IFNAR1: variants seen among roughly 807,000 people sequenced by gnomAD.
IFNAR1 encodes the protein interferon alpha/beta receptor 1.
A neutral mutation model predicts 62.1 loss-of-function variants in IFNAR1; 47 were observed. The ratio of observed to expected loss-of-function variants is 0.76; its 90% CI spans 0.60 to 0.97. The LOEUF is 0.97. IFNAR1 is among the 50% of genes least tolerant of loss of function. IFNAR1 has a pLI of 0.00. For synonymous variants in IFNAR1, 219 were observed against 226.9 expected, an observed-to-expected ratio of 0.97 and a Z score of 0.31; for missense variants, 638 against 654.5, an observed-to-expected ratio of 0.97 and a Z score of 0.27.
chr21:33,340,802 T>G (rs1475948015), intron 2 of IFNAR1, among the ~76,000 whole-genome samples, 197 bp from the exon 3 acceptor site: 1 of 151,688 alleles, frequency 6.6e-6, no homozygotes, highest in Non-Finnish European at 1.5e-5. Context: ...TGAAAAAGAG[T>G]GGAAGGGTGT....
intron 3 of IFNAR1, among the ~76,000 whole-genome samples, chr21:33,342,662 G>T (rs1337371884): frequency 6.9e-6 from 1 of 144,088 alleles, no homozygotes; most frequent in Non-Finnish European, 1.5e-5. Flanking sequence ...GGCTAACACG[G>T]TGAAACCCTG....
At chr21:33,334,843 T>TA (rs2083217782) in intron 1 of IFNAR1, 1 of 1,019,212 alleles carries the variant, frequency 9.8e-7, no homozygotes, top group African/African-American at 1.6e-5. Context: ...TCCAGGGTGA[T>TA]ATCACCAGTT....
intron 1 of IFNAR1, among the ~76,000 whole-genome samples, chr21:33,330,647 A>G (rs2083168543): frequency 6.6e-6 from 1 of 152,154 alleles, no homozygotes; most frequent in African/African-American, 2.4e-5. Flanking sequence ...CAACAAATAA[A>G]CAACTACATT....
At chr21:33,340,900 A>G (rs1982470621) in intron 2 of IFNAR1, 99 bp from the exon 3 acceptor site, 3 of 737,538 alleles carry the variant, frequency 4.1e-6, no homozygotes, top group Non-Finnish European at 6.8e-6. Flanking sequence ...AAGAGTTATT[A>G]AGAGTTAAGA....
At chr21:33,341,902 A>G (rs987338038) in intron 3 of IFNAR1, among the ~76,000 whole-genome samples, 3 of 152,008 alleles carry the variant, frequency 2.0e-5, no homozygotes, top group Non-Finnish European at 2.9e-5. Flanking sequence ...GCTGACCTCA[A>G]ACTCCCAACC....
At chr21:33,344,765 C>CTTAT (rs11421099) in intron 5 of IFNAR1, among the ~76,000 whole-genome samples, 15,624 of 121,836 alleles carry the variant, frequency 0.13, 1,379 homozygotes, top group African/African-American at 0.27. Flanking sequence ...TTCTTTTTTA[C>CTTAT]TTATTTATTT....
intron 8 of IFNAR1, 152 bp from the exon 9 acceptor site, chr21:33,352,606 A>AAAACAAAAC (rs1568933288): frequency 6.1e-5 from 30 of 489,954 alleles, no homozygotes; most frequent in African/African-American, 5.7e-4. Flanking sequence ...GTCTCACAAA[A>AAAACAAAAC]AAAACAAAAC....
At chr21:33,336,874 T>G (rs1240747161) in intron 2 of IFNAR1, among the ~76,000 whole-genome samples, 1 of 150,590 alleles carries the variant, frequency 6.6e-6, no homozygotes, top group African/African-American at 2.4e-5. Flanking sequence ...CCTTAGCCTC[T>G]CGAGTAGCTG....
intron 6 of IFNAR1, among the ~76,000 whole-genome samples, chr21:33,346,874 T>G (rs942094691): frequency 3.3e-5 from 5 of 152,220 alleles, no homozygotes; most frequent in African/African-American, 1.2e-4. Context: ...CTATTAGATG[T>G]TAGTTTTCTG....
rs767390109 is a variant in IFNAR1 at position 33,338,531 on chromosome 21, C to CAA, written c.201-2454_201-2453dup. On this transcript the variant is annotated intron_variant, in intron 2 of 10. Transcript: ENST00000270139. The stretch of plus-strand genomic sequence containing the variant: ...CCTGGGTGACAGCAAGACTTCATCT[C>CAA]AAAAAAAAAAAAAAACCCAACAAAT... Among the ~76,000 whole-genome samples, 39 of 116,074 alleles carry CAA rather than the reference C, an allele frequency of 3.4e-4. 2 individuals carry two copies. Among genetic ancestry groups the CAA allele is most frequent in the African/African-American group, 7.2e-4 (21 of 29,324 alleles). The allele number at this position is 116,074 out of a possible 152,430, so 76.1% of individuals were successfully genotyped here. A position where few individuals can be genotyped will look rare whatever the true frequency, so the allele number is the denominator to read the frequency against.
chr21:33,327,550 G>C (rs1004562046), intron 1 of IFNAR1, among the ~76,000 whole-genome samples: 3 of 152,174 alleles, frequency 2.0e-5, no homozygotes, highest in Non-Finnish European at 4.4e-5. Context: ...TAGCCTTGGG[G>C]CTTAACCAGA....
intron 2 of IFNAR1, among the ~76,000 whole-genome samples, chr21:33,338,633 G>A (rs1031428011): frequency 6.6e-6 from 1 of 151,864 alleles, no homozygotes; most frequent in African/African-American, 2.4e-5. Context: ...AAGATGGCAT[G>A]AAGTTATATT....
chr21:33,343,400 G>A lies in IFNAR1; in HGVS notation c.509G>A (p.Trp170Ter), dbSNP rs1480013903. 6.2e-7 allele frequency: 1 copy of A among 1,612,384 alleles called. No individual in the cohort carries two copies. The highest frequency in any genetic ancestry group is 2.2e-5 in the East Asian group (1 of 44,830). The part of the protein sequence containing the change: ...GLSFTYSLVI[W>*]KNSSGVEERI... ...AGCTTTACATATAGCTTAGTTATCT[G>A]GAAAAACTCTTCAGGTGTAGAAGTA... Residue 170 changes from tryptophan (W) to a stop codon, truncating the protein, a stop_gained, in exon 4 of 11, where the codon TGG becomes TAG. Coordinates refer to ENST00000270139, the MANE Select transcript of IFNAR1 (RefSeq NM_000629.3). LOFTEE classifies it high-confidence loss of function.
At chr21:33,352,610 A>G in intron 8 of IFNAR1, 148 bp from the exon 9 acceptor site, 2 of 462,388 alleles carry the variant, frequency 4.3e-6, no homozygotes, top group Non-Finnish European at 7.5e-6. Flanking sequence ...CACAAAAAAA[A>G]CAAAACAAAA....
intron 1 of IFNAR1, among the ~76,000 whole-genome samples, chr21:33,333,086 A>G (rs1276372564): frequency 6.6e-6 from 1 of 152,206 alleles, no homozygotes; most frequent in Non-Finnish European, 1.5e-5. Flanking sequence ...AAGACAGAGA[A>G]AGAATTCTAA....
chr21:33,325,010 G>C lies in IFNAR1; in HGVS notation c.-46G>C, dbSNP rs1466838023. 6.5e-7 allele frequency: 1 copy of C among 1,533,666 alleles called. No individual in the cohort carries two copies. The highest frequency in any genetic ancestry group is 8.9e-7 in the Non-Finnish European group (1 of 1,129,010). ...GGGGCGATGGCGGCTGAGAGGAGCT[G>C]CGCGTGCGCGAACATGTAACTGGTG... is the stretch of plus-strand genomic sequence containing the variant. On this transcript the variant is annotated 5_prime_UTR_variant, in exon 1 of 11. Coordinates refer to ENST00000270139, the MANE Select transcript of IFNAR1 (RefSeq NM_000629.3).
intron 1 of IFNAR1, 42 bp from the exon 2 acceptor site, chr21:33,335,482 A>G (rs375074159): frequency 6.3e-5 from 75 of 1,188,756 alleles, no homozygotes; most frequent in Non-Finnish European, 8.7e-5. Context: ...GAATATCTGT[A>G]CAGTTTGTAT....
intron 1 of IFNAR1, among the ~76,000 whole-genome samples, chr21:33,332,979 T>G (rs536094416): frequency 1.3e-5 from 2 of 152,304 alleles, no homozygotes; most frequent in African/African-American, 4.8e-5. Flanking sequence ...TGGAGAGAGA[T>G]ACAGACATCC....
chr21:33,335,022 ATT>A, intron 1 of IFNAR1: 1 of 1,438,946 alleles, frequency 6.9e-7, no homozygotes, highest in Non-Finnish European at 9.8e-7. Flanking sequence ...GCACTGGTCA[ATT>A]ATTTGTGATG....
Sources: gnomAD v4.1 joint callset for allele counts (sites outside exome capture counted in the v4.1 genomes callset) on GRCh38, gnomAD v4.1.1 for gene constraint, MANE v1.5 for transcripts, NCBI Gene and HGNC (gene_info 2026-07-23, HGNC 2026-07-21) for gene names.